Variants in STPG4 observed in about 807,000 individuals in gnomAD.
STPG4 encodes the protein sperm-tail PG-rich repeat containing 4.
Under a neutral mutation model 31.5 loss-of-function variants are expected in STPG4, and 41 were observed. The observed-to-expected ratio is 1.30, with a 90% confidence interval of 1.01 to 1.69. The LOEUF is 1.69. Among genes scored for constraint, STPG4 ranks in the 40% most tolerant of loss-of-function variants. STPG4 has a pLI of 0.00. For missense variants in STPG4, 375 were observed against 293.4 expected (o/e 1.28, Z -2.03); for synonymous variants, 141 against 103.0 (o/e 1.37, Z -2.24).
chr2:47,144,716 C>A lies in STPG4; in HGVS notation c.399+6542G>T, dbSNP rs574291394. On this transcript the variant is annotated intron_variant, in intron 3 of 6. Transcript: ENST00000445927. ...TGAAAGATAAAATATTAAAAAAAAA[C>A]AAACAAAAGAGTTTTTTTGTTTTTT... Among the ~76,000 whole-genome samples, 94 of 151,934 alleles carry A rather than the reference C, an allele frequency of 6.2e-4. 1 individual carries two copies. Among genetic ancestry groups the A allele is most frequent in the African/African-American group, 1.8e-3 (73 of 41,430 alleles).
intron 3 of STPG4, among the ~76,000 whole-genome samples, chr2:47,139,733 T>C (rs895353729): frequency 1.3e-5 from 2 of 152,198 alleles, no homozygotes; most frequent in Admixed American, 6.5e-5. Context: ...ACATACAAGA[T>C]TATGCTCTGA....
At chr2:47,088,586 G>C (rs569331348) in intron 6 of STPG4, among the ~76,000 whole-genome samples, 1 of 152,200 alleles carries the variant, frequency 6.6e-6, no homozygotes, top group African/African-American at 2.4e-5. Context: ...AGACAAAGAG[G>C]CTTGGACAGG....
intron 5 of STPG4, among the ~76,000 whole-genome samples, chr2:47,115,326 T>C (rs1278497978): frequency 1.3e-5 from 2 of 152,156 alleles, no homozygotes; most frequent in Admixed American, 1.3e-4. Context: ...CCAGATTGTA[T>C]CTACTTTCTC....
At chr2:47,140,719 T>C (rs1302680943) in intron 3 of STPG4, among the ~76,000 whole-genome samples, 3 of 152,178 alleles carry the variant, frequency 2.0e-5, no homozygotes, top group African/African-American at 7.2e-5. Context: ...GCTATTTACA[T>C]GCAGAACTGG....
intron 3 of STPG4, among the ~76,000 whole-genome samples, chr2:47,137,829 T>G (rs530680791): frequency 6.6e-6 from 1 of 152,250 alleles, no homozygotes; most frequent in African/African-American, 2.4e-5. Flanking sequence ...TGTCTCCTCT[T>G]TTGTGTCTAA....
At chr2:47,154,897 T>A (rs1686998450) in intron 1 of STPG4, among the ~76,000 whole-genome samples, 1 of 151,916 alleles carries the variant, frequency 6.6e-6, no homozygotes, top group Admixed American at 6.6e-5. Context: ...CCAGTTTAAT[T>A]AGTAGTGGGA....
chr2:47,087,031 T>C lies in STPG4; in HGVS notation c.724A>G (p.Asn242Asp). The C allele has an allele frequency of 6.4e-7, 1 of 1,551,728 alleles. No individual in the cohort carries two copies. The highest frequency in any genetic ancestry group is 1.2e-5 in the South Asian group (1 of 84,054). ...CTTTATTTTAAAAGCCAATTGTTGT[T>C]GTTGAAGAAAAGGCTATGCTCTTGG... Reference protein sequence around the residue: ...MGQEHSLFFNNNNWLLK With the variant: ...MGQEHSLFFNDNNWLLK The change falls in exon 7 of 7, where the codon AAC becomes GAC. Residue 242 changes from asparagine (N) to aspartate (D), a missense_variant. Coordinates refer to ENST00000445927, the MANE Select transcript of STPG4 (RefSeq NM_001163561.2).
intron 5 of STPG4, among the ~76,000 whole-genome samples, chr2:47,101,808 C>A (rs1174419436): frequency 1.3e-5 from 2 of 151,896 alleles, no homozygotes; most frequent in African/African-American, 4.9e-5. Flanking sequence ...ACTCTTCCAA[C>A]CCTGAAGATC....
rs771405272 is a variant in STPG4 at position 47,087,242 on chromosome 2, AC to A, written c.625-113del. ...GTGGACAAATTCCCCAAGGATGAAG[AC>A]CAGGGCCACACCAGCCTGGGCTGAA... On this transcript the variant is annotated intron_variant, in intron 6 of 6. Coordinates refer to ENST00000445927, the MANE Select transcript of STPG4 (RefSeq NM_001163561.2). 50 of 1,237,320 alleles carry A rather than the reference AC, an allele frequency of 4.0e-5. No individual in the cohort carries two copies. The East Asian group carries it at 6.7e-4, about 17-fold the overall frequency. The allele number at this position is 1,237,320 out of a possible 1,614,324, so 76.6% of individuals were successfully genotyped here.
chr2:47,100,239 G>A lies in STPG4; in HGVS notation c.520-9865C>T, dbSNP rs573208028. On this transcript the variant is annotated intron_variant, in intron 5 of 6. Transcript: ENST00000445927. ...GGAGAACCTTTATGTCTAGCTCAGG[G>A]ATTGTAAATACACCAATCAGCACTC... Among the ~76,000 whole-genome samples, 23 of 152,078 alleles carry A rather than the reference G, an allele frequency of 1.5e-4. No individual in the cohort carries two copies. In the South Asian group the frequency reaches 4.8e-3, roughly 32 times the overall value.
At chr2:47,139,810 G>A (rs973344551) in intron 3 of STPG4, among the ~76,000 whole-genome samples, 4 of 151,986 alleles carry the variant, frequency 2.6e-5, no homozygotes, top group Admixed American at 6.6e-5. Context: ...AGTTTGCATA[G>A]TATATCTTTC....
At chr2:47,092,269 C>T in intron 5 of STPG4, among the ~76,000 whole-genome samples, 2 of 149,744 alleles carry the variant, frequency 1.3e-5, no homozygotes, top group South Asian at 4.3e-4. Context: ...GTGGCTCACG[C>T]CTGTAATCCC....
intron 3 of STPG4, among the ~76,000 whole-genome samples, chr2:47,139,380 T>C (rs750119314): frequency 2.7e-5 from 4 of 150,390 alleles, no homozygotes; most frequent in African/African-American, 7.3e-5. Flanking sequence ...CTGCTCTGTT[T>C]GAAACTAATA....
chr2:47,091,887 G>C (rs1685576042), intron 5 of STPG4, among the ~76,000 whole-genome samples: 1 of 151,778 alleles, frequency 6.6e-6, no homozygotes, highest in African/African-American at 2.4e-5. Context: ...TGAAAACTGG[G>C]AAATAAACTA....
In STPG4 at chr2:47,129,970, G is replaced by T; in HGVS notation, c.490C>A (p.Gln164Lys). ...ATAAAATAGGTTGTTGGGAATCTTTGAACTGTTGAGCGAAATACACAGCTC... is the reference window on the plus strand; with the variant it reads ...ATAAAATAGGTTGTTGGGAATCTTTTAACTGTTGAGCGAAATACACAGCTC... The part of the protein sequence containing the change: ...SRSCVFRSTV[Q>K]RFPTTYFIPH... Residue 164 changes from glutamine to lysine, a missense_variant, in exon 5 of 7, where the codon CAA becomes AAA. By Grantham distance (53) the Gln-to-Lys change is moderately conservative. Transcript: ENST00000445927. 1.3e-6 allele frequency: 2 copies of T among 1,595,594 alleles called. No homozygotes were observed. Among genetic ancestry groups the T allele is most frequent in the South Asian group, 2.2e-5 (2 of 90,206 alleles).
chr2:47,149,949 C>T (rs1370341953), intron 3 of STPG4, among the ~76,000 whole-genome samples: 3 of 152,134 alleles, frequency 2.0e-5, no homozygotes, highest in Admixed American at 6.5e-5. Flanking sequence ...TCATTCAAGG[C>T]GAGGGGCACA....
rs189033327 is a variant in STPG4, at chr2:47,124,315, A to C, written c.519+5626T>G. ...TTAAATGTACAATAAATTATTGTTG[A>C]CTATAATCACCTGTTGTGCTATCAA... On this transcript the variant is annotated intron_variant, in intron 5 of 6. Coordinates refer to ENST00000445927, the MANE Select transcript of STPG4 (RefSeq NM_001163561.2). 5.3e-4 allele frequency among the ~76,000 whole-genome samples: 80 copies of C among 152,202 alleles called. 1 individual carries two copies. In the East Asian group the frequency reaches 0.012, roughly 23 times the overall value.
rs780843512 is a variant in STPG4, at chr2:47,153,029, A to C, written c.82-13T>G. On this transcript the variant is annotated splice_polypyrimidine_tract_variant and intron_variant, in intron 1 of 6. Transcript: ENST00000445927. ...TTTGGGCTGGTTTCTGTTAACAAAC[A>C]CAAAGTATGCTTATTCATTTGAGAG... 6.3e-7 allele frequency: 1 copy of C among 1,598,960 alleles called. No homozygotes were observed. Among genetic ancestry groups the C allele is most frequent in the Non-Finnish European group, 8.6e-7 (1 of 1,168,388 alleles).
intron 1 of STPG4, among the ~76,000 whole-genome samples, chr2:47,153,445 A>G (rs1686973774): frequency 6.6e-6 from 1 of 152,214 alleles, no homozygotes; most frequent in South Asian, 2.1e-4. Context: ...GCACTACCAG[A>G]GTTGGCATGA....
Sources: allele counts gnomAD v4.1 joint callset (sites outside exome capture counted in the v4.1 genomes callset), GRCh38; gene constraint gnomAD v4.1.1; transcripts MANE v1.5; gene names NCBI Gene and HGNC (gene_info 2026-07-23, HGNC 2026-07-21).